The following PCDH15 variants were observed in gnomAD, a reference collection of about 807,000 sequenced individuals.
PCDH15 encodes protocadherin related 15.
PCDH15 carries 129 observed loss-of-function variants against 178.5 expected under a neutral mutation model. The ratio of observed to expected loss-of-function variants is 0.72; its 90% CI spans 0.63 to 0.84. The LOEUF is 0.84. Ranked by LOEUF, PCDH15 falls within the 40% of genes least tolerant of loss-of-function variation. PCDH15 has a pLI of 0.00. For missense variants in PCDH15, 2,230 were observed against 2,099.9 expected (o/e 1.06, Z -1.21); for synonymous variants, 800 against 732.0 (o/e 1.09, Z -1.50).
chr10:54,644,842 T>A (rs954965471), intron 2 of PCDH15, among the ~76,000 whole-genome samples: 2 of 152,160 alleles, frequency 1.3e-5, no homozygotes, highest in South Asian at 2.1e-4. Flanking sequence ...ACTCTGTACC[T>A]TATAGAAGGG....
At chr10:55,568,635 T>C (rs141492976) in intron 2 of PCDH15, among the ~76,000 whole-genome samples, 358 of 152,132 alleles carry the variant, frequency 2.4e-3, no homozygotes, top group African/African-American at 8.2e-3. Context: ...ACAAGCTAAT[T>C]TGACATGTTA....
intron 2 of PCDH15, among the ~76,000 whole-genome samples, chr10:55,052,130 C>T (rs1356745816): frequency 6.7e-6 from 1 of 150,188 alleles, no homozygotes; most frequent in Non-Finnish European, 1.5e-5. Flanking sequence ...CTCAGTTGCT[C>T]AGGCTGGAGT....
At chr10:54,583,201 T>A (rs144859333) in intron 2 of PCDH15, among the ~76,000 whole-genome samples, 1,963 of 152,270 alleles carry the variant, frequency 0.013, 43 homozygotes, top group African/African-American at 0.045. Flanking sequence ...AATTATACCC[T>A]TGAATTTATA....
intron 2 of PCDH15, chr10:54,641,121 A>C (rs2093977314): frequency 4.1e-6 from 1 of 242,734 alleles, no homozygotes; most frequent in Non-Finnish European, 8.3e-6. Flanking sequence ...GAATATAATA[A>C]AAATTAAAAT....
At chr10:54,644,264 A>G (rs1210390213) in intron 2 of PCDH15, among the ~76,000 whole-genome samples, 1 of 150,362 alleles carries the variant, frequency 6.7e-6, no homozygotes, top group Non-Finnish European at 1.5e-5. Flanking sequence ...TTAATGCCTT[A>G]GAAGATGTAA....
intron 1 of PCDH15, among the ~76,000 whole-genome samples, chr10:54,672,103 G>T (rs1301310598): frequency 6.6e-6 from 1 of 151,992 alleles, no homozygotes; most frequent in Non-Finnish European, 1.5e-5. Context: ...TCTGATGATT[G>T]ATCTGTCATT....
chr10:54,138,784 G>C (rs2043115681), intron 14 of PCDH15, among the ~76,000 whole-genome samples: 1 of 152,122 alleles, frequency 6.6e-6, no homozygotes, highest in African/African-American at 2.4e-5. Context: ...AAGAAAGTGT[G>C]GCTATGTAAA....
chr10:55,546,671 T>C (rs570774311), intron 2 of PCDH15, among the ~76,000 whole-genome samples: 1 of 152,176 alleles, frequency 6.6e-6, no homozygotes, highest in Admixed American at 6.6e-5. Flanking sequence ...TCAGACTGGA[T>C]ACTATGCAGA....
intron 2 of PCDH15, among the ~76,000 whole-genome samples, chr10:55,496,357 A>C (rs1444466990): frequency 6.6e-6 from 1 of 151,700 alleles, no homozygotes; most frequent in Non-Finnish European, 1.5e-5. Context: ...TTTTTTATAA[A>C]TAATAACACA....
intron 21 of PCDH15, among the ~76,000 whole-genome samples, chr10:53,991,041 C>A (rs2134793338): frequency 6.6e-6 from 1 of 152,266 alleles, no homozygotes; most frequent in African/African-American, 2.4e-5. Flanking sequence ...CCTCAGCCAC[C>A]TCCCCACGGG....
chr10:55,383,733 T>C (rs1272711944), intron 2 of PCDH15, among the ~76,000 whole-genome samples: 1 of 152,294 alleles, frequency 6.6e-6, no homozygotes, highest in East Asian at 1.9e-4. Context: ...CTTGAATTGC[T>C]TTTTATCTTC....
intron 6 of PCDH15, among the ~76,000 whole-genome samples, chr10:54,340,295 C>T (rs1426419580): frequency 1.3e-5 from 2 of 152,098 alleles, no homozygotes; most frequent in African/African-American, 4.8e-5. Context: ...TGTTTCTCCT[C>T]AACATGTTTT....
chr10:54,992,241 T>C (rs955387014), intron 2 of PCDH15, among the ~76,000 whole-genome samples: 1 of 152,204 alleles, frequency 6.6e-6, no homozygotes, highest in African/African-American at 2.4e-5. Flanking sequence ...CACTGCCATT[T>C]GATCAATGTG....
chr10:55,089,898 A>AT (rs1306809051), intron 2 of PCDH15, among the ~76,000 whole-genome samples: 1 of 151,898 alleles, frequency 6.6e-6, no homozygotes, highest in Non-Finnish European at 1.5e-5. Flanking sequence ...AGTAATAAGC[A>AT]TTTTTTTCAC....
intron 2 of PCDH15, among the ~76,000 whole-genome samples, chr10:55,584,297 A>G (rs1007659310): frequency 1.3e-5 from 2 of 151,982 alleles, no homozygotes; most frequent in Non-Finnish European, 2.9e-5. Flanking sequence ...AAATCACATA[A>G]GCCTAAATAG....
At chr10:55,316,880 G>T (rs926675874) in intron 1 of PCDH15, among the ~76,000 whole-genome samples, 8 of 152,000 alleles carry the variant, frequency 5.3e-5, no homozygotes, top group Non-Finnish European at 8.8e-5. Flanking sequence ...ATTATTATTT[G>T]CATAATTATA....
intron 21 of PCDH15, chr10:53,995,359 C>A: frequency 2.3e-6 from 1 of 438,104 alleles, no homozygotes; most frequent in Non-Finnish European, 4.1e-6. Context: ...TTAAGTGAAG[C>A]TTACAAATGG....
chr10:55,361,504 A>G (rs1186130701), intron 2 of PCDH15, among the ~76,000 whole-genome samples: 1 of 152,048 alleles, frequency 6.6e-6, no homozygotes, highest in Non-Finnish European at 1.5e-5. Context: ...TTCATTAGGT[A>G]CAAGCTCATA....
chr10:53,848,673 A>AT (rs145306056), intron 28 of PCDH15, among the ~76,000 whole-genome samples: 1 of 151,968 alleles, frequency 6.6e-6, no homozygotes, highest in African/African-American at 2.4e-5. Flanking sequence ...TGTATCAATT[A>AT]TTTTTTCTCC....
Sources: gnomAD v4.1 joint callset for allele counts (sites outside exome capture counted in the v4.1 genomes callset) on GRCh38, gnomAD v4.1.1 for gene constraint, MANE v1.5 for transcripts, NCBI Gene and HGNC (gene_info 2026-07-23, HGNC 2026-07-21) for gene names.